GID4: variants seen among roughly 807,000 people sequenced by gnomAD.
GID4 encodes the protein glucose-induced degradation protein 4 homolog.
GID4 carries 7 observed loss-of-function variants against 32.4 expected under a neutral mutation model. The observed-to-expected ratio is 0.22, with a 90% CI of 0.12 to 0.41. GID4 has a LOEUF of 0.41. Among genes scored for constraint, GID4 ranks in the 10% least tolerant of loss-of-function variants. The pLI, the probability that GID4 is intolerant of heterozygous loss-of-function variation, is 1.00. For synonymous variants in GID4, 166 were observed against 170.0 expected, an observed-to-expected ratio of 0.98 and a Z score of 0.18; for missense variants, 309 against 400.0, an observed-to-expected ratio of 0.77 and a Z score of 1.94.
In GID4 at chr17:18,065,414, C is replaced by T; in HGVS notation, c.*171C>T. On this transcript the variant is annotated 3_prime_UTR_variant, in exon 6 of 6. Coordinates refer to ENST00000268719, the MANE Select transcript of GID4 (RefSeq NM_024052.5). ...ACAGAATCCAAGGAGCATGGCTGGC[C>T]CGTGGGGCAGGTGGAGGGAGCAGTC... is the stretch of plus-strand genomic sequence containing the variant. The T allele has an allele frequency of 1.6e-6, 1 of 632,692 alleles. No individual in the cohort carries two copies. Among genetic ancestry groups the T allele is most frequent in the Non-Finnish European group, 2.8e-6 (1 of 352,562 alleles). 39.2% of individuals were successfully genotyped at this position (632,692 alleles called of 1,614,324 possible).
At chr17:18,065,132 G>C (rs1253271982) in intron 5 of GID4, 48 bp from the exon 6 acceptor site, 1 of 1,386,700 alleles carries the variant, frequency 7.2e-7, no homozygotes, top group East Asian at 2.3e-5. Flanking sequence ...CCTTTGCTCA[G>C]GGTGCATTAG....
Position 18,039,422 on chromosome 17 carries a change from G to GT in GID4, c.-42dup. The GT allele has an allele frequency of 7.7e-7, 1 of 1,291,830 alleles. No homozygotes were observed. Among genetic ancestry groups the GT allele is most frequent in the Non-Finnish European group, 1.0e-6 (1 of 977,354 alleles). 80.0% of individuals were successfully genotyped at this position (1,291,830 alleles called of 1,614,324 possible). On this transcript the variant is annotated 5_prime_UTR_variant, in exon 1 of 6. Transcript: ENST00000268719. The surrounding 1 kb of genome is among the most constrained non-coding windows in gnomAD (Gnocchi z 5.3). ...AGGGGCGGGGTGTGTGTGTGTCTGT[G>GT]TGTGTTTGTGTGTTGTGTGTCTGTG... is the stretch of plus-strand genomic sequence containing the variant.
chr17:18,039,744 G>T lies in GID4; in HGVS notation c.280G>T (p.Ala94Ser). 6.5e-7 allele frequency: 1 copy of T among 1,546,674 alleles called. No individual in the cohort carries two copies. Among genetic ancestry groups the T allele is most frequent in the Non-Finnish European group, 8.7e-7 (1 of 1,148,868 alleles). Residue 94 changes from alanine to serine, a missense_variant, in exon 1 of 6, where the codon GCC (alanine) becomes TCC (serine). By Grantham distance (99) the Ala-to-Ser change is moderately conservative (BLOSUM62 1). This residue lies in a region of GID4 where 193 missense variants were observed against 185.8 expected (regional missense o/e 1.04). Transcript: ENST00000268719. The surrounding 1 kb of genome is among the most constrained non-coding windows in gnomAD (Gnocchi z 5.3). Reference protein sequence around the residue: ...MPVRTECPPPAGASAASAASL... With the variant: ...MPVRTECPPPSGASAASAASL... ...GGTCCGCACCGAGTGTCCCCCGCCG[G>T]CCGGTGCCTCCGCTGCCTCCGCGGC... is the stretch of plus-strand genomic sequence containing the variant.
At chr17:18,058,130 G>A (rs1372794567) in intron 3 of GID4, among the ~76,000 whole-genome samples, 2 of 152,232 alleles carry the variant, frequency 1.3e-5, no homozygotes, top group Admixed American at 6.5e-5. Flanking sequence ...CCCACACCCA[G>A]TGGATGTATA....
In GID4 at chr17:18,064,281, C is replaced by T. The variant is rs79758706; in HGVS notation, c.840-899C>T. Among the ~76,000 whole-genome samples, 1,503 of 152,232 alleles carry T rather than the reference C, an allele frequency of 9.9e-3. 22 individuals are homozygous for T. The highest frequency in any genetic ancestry group is 0.034 in the African/African-American group (1,430 of 41,524). ...CAGCTGCACCATTTTGCATTCCTAC[C>T]GGCATGTATGAGGGTTCCAGTTTCT... On this transcript the variant is annotated intron_variant, in intron 5 of 5. Transcript: ENST00000268719.
In GID4 at chr17:18,058,952, G is replaced by A. The variant is rs200321621; in HGVS notation, c.691G>A (p.Val231Ile). 1.1e-4 allele frequency: 181 copies of A among 1,608,136 alleles called. No homozygotes were observed. Among genetic ancestry groups the A allele is most frequent in the Non-Finnish European group, 1.5e-4 (174 of 1,174,716 alleles). ...DYEELKNGDYVFMRWKEQFLV... is the reference protein window; with the variant it reads ...DYEELKNGDYIFMRWKEQFLV... ...TGAAGAGCTGAAGAATGGAGACTAC[G>A]TCTTCATGAGGTGGAAGGTAAGTTC... The change falls in exon 4 of 6, where the codon GTC (valine) becomes ATC (isoleucine). Residue 231 changes from valine (V) to isoleucine (I), a missense_variant. By Grantham distance (29) the Val-to-Ile change is conservative. This residue lies in a region of GID4 where 116 missense variants were observed against 214.2 expected (regional missense o/e 0.54). Transcript: ENST00000268719.
intron 1 of GID4, among the ~76,000 whole-genome samples, chr17:18,043,940 G>A (rs1441742376): frequency 6.6e-6 from 1 of 152,172 alleles, no homozygotes; most frequent in Non-Finnish European, 1.5e-5. Flanking sequence ...AGTCTGTATA[G>A]ATTTGGGTGA....
chr17:18,062,101 G>A, intron 5 of GID4, 126 bp downstream of exon 5: 1 of 896,010 alleles, frequency 1.1e-6, no homozygotes, highest in Non-Finnish European at 1.8e-6. Flanking sequence ...TTATTTGGAT[G>A]CTGAGAGCTT....
chr17:18,045,311 A>C (rs1296789829), intron 2 of GID4, 105 bp downstream of exon 2: 1 of 756,656 alleles, frequency 1.3e-6, no homozygotes, highest in Non-Finnish European at 2.3e-6. Flanking sequence ...GCCTAATTAA[A>C]GCAGACTACT....
At position 18,041,653 on chromosome 17, in the gene GID4, G is replaced by C. The variant is rs150277228; in HGVS notation, c.438+1751G>C. On this transcript the variant is annotated intron_variant, in intron 1 of 5. Transcript: ENST00000268719. Reference sequence around the variant, plus strand: ...AGAATTCTGGAGGTGAGATCCCTGGGTGGGTCACGTTTGGGATGATCTTGG... The same window carrying C: ...AGAATTCTGGAGGTGAGATCCCTGGCTGGGTCACGTTTGGGATGATCTTGG... Among the ~76,000 whole-genome samples, 137 of 152,326 alleles carry C rather than the reference G, an allele frequency of 9.0e-4. 1 individual carries two copies. The highest frequency in any genetic ancestry group is 3.2e-3 in the African/African-American group (134 of 41,574).
chr17:18,039,477 G>A lies in GID4; in HGVS notation c.13G>A (p.Gly5Arg). The A allele has an allele frequency of 7.5e-7, 1 of 1,337,230 alleles. No individual in the cohort carries two copies. The highest frequency in any genetic ancestry group is 9.5e-7 in the Non-Finnish European group (1 of 1,048,644). 82.8% of individuals were successfully genotyped at this position (1,337,230 alleles called of 1,614,324 possible). Residue 5 changes from glycine to arginine, a missense_variant, in exon 1 of 6, where the codon GGG becomes AGG. Transcript: ENST00000268719. The surrounding 1 kb of genome is among the most constrained non-coding windows in gnomAD (Gnocchi z 5.3). ...TCTGTGTGTGTGTATGTGTGCGCGA[G>A]GGCAAGTCGGGAGGGGGACCCAGCT... MCARGQVGRGTQLRT... is the reference protein window; with the variant it reads MCARRQVGRGTQLRT...
rs1393821206 is a variant in GID4, at chr17:18,051,448, G to A, written c.499-2679G>A. On this transcript the variant is annotated intron_variant, in intron 2 of 5. Coordinates refer to ENST00000268719, the MANE Select transcript of GID4 (RefSeq NM_024052.5). ...AATCCCAGCACTTTGGGAGGCCGAG[G>A]CAGGTGGATCACGAGGTTAGGAGTT... Among the ~76,000 whole-genome samples the A allele has an allele frequency of 2.0e-5, 3 of 152,182 alleles. No homozygotes were observed. In the East Asian group the frequency reaches 5.8e-4, roughly 29 times the overall value.
At chr17:18,043,247 T>C (rs1039883208) in intron 1 of GID4, among the ~76,000 whole-genome samples, 4 of 152,204 alleles carry the variant, frequency 2.6e-5, no homozygotes, top group African/African-American at 9.7e-5. Flanking sequence ...ATTATCAAGA[T>C]CAATTTGGGC....
At chr17:18,045,061 G>GC in intron 1 of GID4, 86 bp from the exon 2 acceptor site, 1 of 1,012,488 alleles carries the variant, frequency 9.9e-7, no homozygotes, top group Non-Finnish European at 1.5e-6. Context: ...CACCAGTCTG[G>GC]CCTCACAGGA....
intron 1 of GID4, 106 bp downstream of exon 1, chr17:18,040,008 CG>C: frequency 1.6e-6 from 2 of 1,245,614 alleles, no homozygotes; most frequent in Non-Finnish European, 2.0e-6. Flanking sequence ...CCCTCGCCGC[CG>C]GGGCCTCCTG....
chr17:18,050,460 T>A (rs957005434), intron 2 of GID4, among the ~76,000 whole-genome samples: 1 of 152,174 alleles, frequency 6.6e-6, no homozygotes, highest in African/African-American at 2.4e-5. Flanking sequence ...CTTTCAGGGG[T>A]TACCTGGGAG....
Position 18,061,827 on chromosome 17 carries a change from C to G in GID4, c.709-18C>G. ...CAGAGAATGCTATCTGTTACTGACC[C>G]TCTTCATCTGTGTGCAGGAACAGTT... On this transcript the variant is annotated intron_variant, in intron 4 of 5. Coordinates refer to ENST00000268719, the MANE Select transcript of GID4 (RefSeq NM_024052.5). This position sits in a 1 kb window ranked among gnomAD's most constrained non-coding sequence, Gnocchi z 4.4. 6.2e-7 allele frequency: 1 copy of G among 1,613,714 alleles called. No individual in the cohort carries two copies. Among genetic ancestry groups the G allele is most frequent in the East Asian group, 2.2e-5 (1 of 44,886 alleles).
chr17:18,053,009 C>CTTTTTTTTTT (rs71155312), intron 2 of GID4, among the ~76,000 whole-genome samples: 1 of 83,276 alleles, frequency 1.2e-5, no homozygotes, highest in African/African-American at 4.9e-5. Flanking sequence ...AAAGTATTTA[C>CTTTTTTTTTT]TTTTTTTTTT....
At chr17:18,057,864 C>G (rs1044990341) in intron 3 of GID4, among the ~76,000 whole-genome samples, 1 of 151,486 alleles carries the variant, frequency 6.6e-6, no homozygotes, top group African/African-American at 2.4e-5. Flanking sequence ...GACAGAGTCT[C>G]GCTCTGTTGC....
Sources: gnomAD v4.1 joint callset for allele counts (sites outside exome capture counted in the v4.1 genomes callset) on GRCh38, gnomAD v4.1.1 for gene constraint, gnomAD v4.1.1 regional missense constraint, Gnocchi (gnomAD v3.1) non-coding constraint, MANE v1.5 for transcripts, NCBI Gene and HGNC (gene_info 2026-07-23, HGNC 2026-07-21) for gene names.